FOXP2: variants seen among roughly 807,000 people sequenced by gnomAD.
FOXP2 encodes forkhead box protein P2.
In FOXP2, 12 loss-of-function variants were observed where a neutral mutation model predicts 115.8. The ratio of observed to expected loss-of-function variants is 0.10; its 90% CI spans 0.07 to 0.17. FOXP2 has a LOEUF of 0.17. FOXP2 is among the 10% of genes least tolerant of loss of function. FOXP2 has a pLI of 1.00. For missense variants in FOXP2, 629 were observed against 843.5 expected, an observed-to-expected ratio of 0.75 and a Z score of 3.15; for synonymous variants, 328 against 297.7, an observed-to-expected ratio of 1.10 and a Z score of -1.05.
At chr7:114,603,398 C>T (rs1365978322) in intron 3 of FOXP2, among the ~76,000 whole-genome samples, 1 of 152,184 alleles carries the variant, frequency 6.6e-6, no homozygotes, top group Non-Finnish European at 1.5e-5. Context: ...ACCTGATTTG[C>T]CTCCTCAGGA....
At chr7:114,586,963 T>C (rs539355789) in intron 3 of FOXP2, among the ~76,000 whole-genome samples, 1 of 152,296 alleles carries the variant, frequency 6.6e-6, no homozygotes, top group South Asian at 2.1e-4. Flanking sequence ...AAAGTACTAC[T>C]AGCACTAGCG....
intron 2 of FOXP2, among the ~76,000 whole-genome samples, chr7:114,293,080 G>A (rs893212910): frequency 2.0e-5 from 3 of 152,102 alleles, no homozygotes; most frequent in Admixed American, 1.3e-4. Context: ...GATAGCTGTG[G>A]TAGGCAGCCT....
chr7:114,193,439 C>T (rs1245441112), intron 1 of FOXP2, among the ~76,000 whole-genome samples: 1 of 151,554 alleles, frequency 6.6e-6, no homozygotes, highest in African/African-American at 2.4e-5. Context: ...GTATATTAAA[C>T]TGTAATAATA....
At chr7:114,258,319 G>T (rs1313997702) in intron 1 of FOXP2, among the ~76,000 whole-genome samples, 1 of 152,162 alleles carries the variant, frequency 6.6e-6, no homozygotes, top group Non-Finnish European at 1.5e-5. Flanking sequence ...TACTGTGTTT[G>T]GTGGATATCC....
intron 2 of FOXP2, among the ~76,000 whole-genome samples, chr7:114,407,076 C>T (rs1793053844): frequency 6.6e-6 from 1 of 151,700 alleles, no homozygotes; most frequent in South Asian, 2.1e-4. Flanking sequence ...GAGCTGAAGG[C>T]TTGGGAAGAG....
intron 1 of FOXP2, among the ~76,000 whole-genome samples, chr7:114,190,982 G>A (rs1793744130): frequency 6.6e-6 from 1 of 152,088 alleles, no homozygotes. Flanking sequence ...GAGGTACCTA[G>A]TCCCCAGAAG....
In FOXP2 at chr7:114,628,481, G is replaced by T; in HGVS notation, c.259-59G>T. The T allele has an allele frequency of 6.2e-7, 1 of 1,604,472 alleles. No individual in the cohort carries two copies. The highest frequency in any genetic ancestry group is 8.5e-7 in the Non-Finnish European group (1 of 1,173,942). Reference sequence around the variant, plus strand: ...AAGATAACATACTATTTGTGAAGTTGATTAACAGATATTTGGTTATGACCA... The same window carrying T: ...AAGATAACATACTATTTGTGAAGTTTATTAACAGATATTTGGTTATGACCA... On this transcript the variant is annotated intron_variant, in intron 3 of 16. Coordinates refer to ENST00000350908, the MANE Select transcript of FOXP2 (RefSeq NM_014491.4).
intron 8 of FOXP2, among the ~76,000 whole-genome samples, chr7:114,651,497 A>T (rs939341125): frequency 9.9e-5 from 15 of 152,120 alleles, no homozygotes; most frequent in Non-Finnish European, 2.2e-4. Context: ...CTCTTTAAAC[A>T]TCGTATAGAA....
chr7:114,681,888 A>G (rs17291908), intron 16 of FOXP2, among the ~76,000 whole-genome samples: 59,414 of 151,948 alleles, frequency 0.39, 12,456 homozygotes, highest in East Asian at 0.49. Flanking sequence ...CTCACTTTAG[A>G]AAGAGGTACT....
chr7:114,660,660 A>G (rs1184146230), intron 13 of FOXP2, among the ~76,000 whole-genome samples: 1 of 152,162 alleles, frequency 6.6e-6, no homozygotes, highest in Non-Finnish European at 1.5e-5. Flanking sequence ...ATTTATGCAC[A>G]GTTACTTGGT....
At chr7:114,663,229 T>A (rs1259522748) in intron 14 of FOXP2, among the ~76,000 whole-genome samples, 1 of 152,096 alleles carries the variant, frequency 6.6e-6, no homozygotes, top group Non-Finnish European at 1.5e-5. Flanking sequence ...CTGCACACCA[T>A]AGTCTAAAGT....
At chr7:114,479,454 T>C (rs1796427569) in intron 2 of FOXP2, among the ~76,000 whole-genome samples, 1 of 151,148 alleles carries the variant, frequency 6.6e-6, no homozygotes, top group Non-Finnish European at 1.5e-5. Flanking sequence ...CACACTATTC[T>C]GAACCTGCCA....
intron 2 of FOXP2, among the ~76,000 whole-genome samples, chr7:114,444,343 C>G (rs1794736505): frequency 6.6e-6 from 1 of 152,086 alleles, no homozygotes; most frequent in South Asian, 2.1e-4. Flanking sequence ...GCTGGCTGAA[C>G]ATGGAATGAC....
intron 2 of FOXP2, among the ~76,000 whole-genome samples, chr7:114,328,955 A>G (rs1797628362): frequency 6.6e-6 from 1 of 152,208 alleles, no homozygotes; most frequent in Admixed American, 6.5e-5. Context: ...ACCATGAAAT[A>G]GAAGGAAGAG....
intron 1 of FOXP2, among the ~76,000 whole-genome samples, chr7:114,176,930 T>G (rs1793332347): frequency 1.3e-5 from 2 of 152,180 alleles, no homozygotes; most frequent in Admixed American, 1.3e-4. Flanking sequence ...AATTTTGAAC[T>G]TTATACAAAT....
At chr7:114,390,511 G>A (rs1426785996) in intron 2 of FOXP2, among the ~76,000 whole-genome samples, 1 of 43,982 alleles carries the variant, frequency 2.3e-5, no homozygotes, top group African/African-American at 6.1e-5. Context: ...CCATACTTTT[G>A]TTTTATTTAT....
chr7:114,268,562 G>A (rs1406661941), intron 1 of FOXP2, among the ~76,000 whole-genome samples: 1 of 152,138 alleles, frequency 6.6e-6, no homozygotes, highest in Non-Finnish European at 1.5e-5. Context: ...AGTGTGGCAA[G>A]TTAGGATAGT....
intron 1 of FOXP2, among the ~76,000 whole-genome samples, chr7:114,165,038 T>G (rs1431228476): frequency 2.0e-5 from 3 of 152,130 alleles, no homozygotes; most frequent in Admixed American, 2.0e-4. Context: ...CAAGAAGTGA[T>G]GATAACAAAA....
intron 1 of FOXP2, among the ~76,000 whole-genome samples, chr7:114,110,233 G>A (rs1791233746): frequency 6.6e-6 from 1 of 152,198 alleles, no homozygotes; most frequent in Admixed American, 6.6e-5. Context: ...TTACCATTTG[G>A]CACTTATGCA....
Sources: allele counts gnomAD v4.1 joint callset (sites outside exome capture counted in the v4.1 genomes callset), GRCh38; gene constraint gnomAD v4.1.1; transcripts MANE v1.5; gene names NCBI Gene and HGNC (gene_info 2026-07-23, HGNC 2026-07-21).